The following RNF167 variants were observed in gnomAD, a reference collection of about 807,000 sequenced individuals.
RNF167 encodes ring finger protein 167, also known as E3 ubiquitin-protein ligase RNF167.
Under a neutral mutation model 34.8 loss-of-function variants are expected in RNF167, and 19 were observed. The ratio of observed to expected loss-of-function variants is 0.55; its 90% CI spans 0.38 to 0.80. The LOEUF (loss-of-function observed/expected upper bound fraction) is 0.80, where lower values mean the gene tolerates loss of function less well. Among genes scored for constraint, RNF167 ranks in the 30% least tolerant of loss-of-function variants. RNF167 has a pLI of 0.00. For synonymous variants in RNF167, 200 were observed against 170.4 expected (o/e 1.17, Z -1.35); for missense variants, 464 against 447.0 (o/e 1.04, Z -0.34).
intron 3 of RNF167, 122 bp from the exon 4 acceptor site, chr17:4,942,219 A>G (rs1970882987): frequency 8.7e-7 from 1 of 1,149,990 alleles, no homozygotes; most frequent in Non-Finnish European, 1.2e-6. Context: ...CTCAGACCCC[A>G]GGAAGGAGGA....
chr17:4,943,241 C>T lies in RNF167; in HGVS notation c.533C>T (p.Thr178Ile), dbSNP rs768854298. 142 of 1,614,016 alleles carry T rather than the reference C, an allele frequency of 8.8e-5. No individual in the cohort carries two copies. Among genetic ancestry groups the T allele is most frequent in the Non-Finnish European group, 1.2e-4 (137 of 1,180,010 alleles). Reference sequence around the variant, plus strand: ...TTGGGCTATTACCTCATCCCTTTCACAGGGATTGTGGGACTGCTGGTTTTG... The same window carrying T: ...TTGGGCTATTACCTCATCCCTTTCATAGGGATTGTGGGACTGCTGGTTTTG... ...FPLGYYLIPFTGIVGLLVLAM... is the reference protein window; with the variant it reads ...FPLGYYLIPFIGIVGLLVLAM... The change falls in exon 7 of 10, where the codon ACA becomes ATA. Residue 178 changes from threonine to isoleucine, a missense_variant. By Grantham distance (89) the Thr-to-Ile change is moderately conservative. Transcript: ENST00000262482.
intron 3 of RNF167, among the ~76,000 whole-genome samples, chr17:4,942,031 G>C (rs981833685): frequency 6.6e-6 from 1 of 152,168 alleles, no homozygotes; most frequent in Admixed American, 6.5e-5. Flanking sequence ...GGTGGTTTGA[G>C]AATTGAATTA....
At chr17:4,942,235 T>G in intron 3 of RNF167, 106 bp from the exon 4 acceptor site, 2 of 1,296,950 alleles carry the variant, frequency 1.5e-6, no homozygotes, top group South Asian at 1.3e-5. Flanking sequence ...GAGGAGGAAG[T>G]GAGGATAGAG....
At position 4,944,725 on chromosome 17, in the gene RNF167, C is replaced by T. The variant is rs769005807; in HGVS notation, c.762C>T (p.Ser254=). 5 of 1,614,068 alleles carry T rather than the reference C, an allele frequency of 3.1e-6. No individual in the cohort carries two copies. The highest frequency in any genetic ancestry group is 4.2e-6 in the Non-Finnish European group (5 of 1,179,974). ...RVLPCAHAYH[S]RCVDPWLTQT... ...TGTTCCTCTCTGCAGCCTACCACAGCCGCTGCGTGGACCCCTGGCTCACTC... is the reference window on the plus strand; with the variant it reads ...TGTTCCTCTCTGCAGCCTACCACAGTCGCTGCGTGGACCCCTGGCTCACTC... The change falls in exon 10 of 10, where the codon AGC becomes AGT. Residue 254 remains serine, a synonymous_variant. Transcript: ENST00000262482.
chr17:4,945,118 T>G lies in RNF167; in HGVS notation c.*102T>G. The G allele has an allele frequency of 9.0e-7, 1 of 1,115,312 alleles. No individual in the cohort carries two copies. The highest frequency in any genetic ancestry group is 1.3e-6 in the Non-Finnish European group (1 of 795,560). 69.1% of individuals were successfully genotyped at this position (1,115,312 alleles called of 1,614,324 possible). A position where few individuals can be genotyped will look rare whatever the true frequency, so the allele number is the denominator to read the frequency against. Reference sequence around the variant, plus strand: ...GGACATTCCATCCCAAGCTTCTCCCTTACCCACACCTATCCTTTTGAGGGG... The same window carrying G: ...GGACATTCCATCCCAAGCTTCTCCCGTACCCACACCTATCCTTTTGAGGGG... On this transcript the variant is annotated 3_prime_UTR_variant, in exon 10 of 10. Coordinates refer to ENST00000262482, the MANE Select transcript of RNF167 (RefSeq NM_015528.3).
Position 4,940,899 on chromosome 17 carries a change from C to T in RNF167, c.-11C>T, listed in dbSNP as rs1299816335. ...ACGCGCGGCCTCCTCAGCCTCTTTC[C>T]TCCCGCTGCCATGCACCCTGCAGCC... On this transcript the variant is annotated 5_prime_UTR_variant, in exon 2 of 10. Transcript: ENST00000262482. 5.1e-6 allele frequency: 8 copies of T among 1,570,562 alleles called. No individual in the cohort carries two copies. Among genetic ancestry groups the T allele is most frequent in the African/African-American group, 4.1e-5 (3 of 73,468 alleles).
In RNF167 at chr17:4,943,109, G is replaced by A. The variant is rs777512994; in HGVS notation, c.471-70G>A. The A allele has an allele frequency of 1.1e-4, 164 of 1,431,944 alleles. 1 individual carries two copies. Among genetic ancestry groups the A allele is most frequent in the Non-Finnish European group, 1.6e-4 (160 of 1,024,534 alleles). The allele number at this position is 1,431,944 out of a possible 1,614,324, so 88.7% of individuals were successfully genotyped here. A position where few individuals can be genotyped will look rare whatever the true frequency, so the allele number is the denominator to read the frequency against. The stretch of plus-strand genomic sequence containing the variant: ...CACCTATGGGCTTTGTCCAGAGCCA[G>A]TTACTTTGTCCCTCTTTTTTTCTCC... On this transcript the variant is annotated intron_variant, in intron 6 of 9. Coordinates refer to ENST00000262482, the MANE Select transcript of RNF167 (RefSeq NM_015528.3).
At chr17:4,942,216 C>T in intron 3 of RNF167, 125 bp from the exon 4 acceptor site, 1 of 1,135,960 alleles carries the variant, frequency 8.8e-7, no homozygotes, top group Non-Finnish European at 1.3e-6. Flanking sequence ...TCACTCAGAC[C>T]CCAGGAAGGA....
chr17:4,944,260 G>GC, intron 8 of RNF167: 1 of 337,674 alleles, frequency 3.0e-6, no homozygotes, highest in Non-Finnish European at 4.7e-6. Flanking sequence ...AGGCCCTGGG[G>GC]CCTCCAGTGC....
intron 7 of RNF167, 61 bp downstream of exon 7, chr17:4,943,345 G>A (rs1342374264): frequency 1.3e-6 from 2 of 1,591,306 alleles, no homozygotes; most frequent in South Asian, 1.1e-5. Flanking sequence ...ACTGGATCTG[G>A]AGTTGGGAGA....
chr17:4,943,646 G>A, intron 8 of RNF167, 127 bp downstream of exon 8: 1 of 780,862 alleles, frequency 1.3e-6, no homozygotes, highest in South Asian at 1.6e-5. Flanking sequence ...AATCCCAAGT[G>A]CCTCTAATCC....
chr17:4,942,817 G>T, intron 5 of RNF167, 34 bp from the exon 6 acceptor site: 1 of 1,601,660 alleles, frequency 6.2e-7, no homozygotes, highest in Non-Finnish European at 8.5e-7. Context: ...GTAGAAGGTT[G>T]TGAGTCCCCA....
Position 4,945,206 on chromosome 17 carries a change from G to A in RNF167, c.*190G>A. The A allele has an allele frequency of 2.0e-6, 1 of 509,176 alleles. No homozygotes were observed. Among genetic ancestry groups the A allele is most frequent in the Non-Finnish European group, 3.4e-6 (1 of 293,838 alleles). The allele number at this position is 509,176 out of a possible 1,614,324, so 31.5% of individuals were successfully genotyped here. On this transcript the variant is annotated 3_prime_UTR_variant, in exon 10 of 10. Transcript: ENST00000262482. ...CTTCACTTCTTGGGCTAATAAAATT[G>A]TTTCTTTGTGGACTAAGGAAGGGTA... is the stretch of plus-strand genomic sequence containing the variant.
chr17:4,943,505 A>G lies in RNF167; in HGVS notation c.656A>G (p.His219Arg), dbSNP rs199885238. The G allele has an allele frequency of 1.9e-5, 31 of 1,613,156 alleles. No individual in the cohort carries two copies. Among genetic ancestry groups the G allele is most frequent in the South Asian group, 1.1e-4 (10 of 90,966 alleles). ...GAGCAACTGAAACAGATTCCTACAC[A>G]TGACTATCAGAAGGGTGAGGGGGTT... is the stretch of plus-strand genomic sequence containing the variant. Reference protein sequence around the residue: ...TKEQLKQIPTHDYQKGDQYDV... With the variant: ...TKEQLKQIPTRDYQKGDQYDV... Residue 219 changes from histidine to arginine, a missense_variant, in exon 8 of 10, where the codon CAT (histidine) becomes CGT (arginine). Physicochemically the swap from His to Arg is conservative, Grantham distance 29 (BLOSUM62 0). Coordinates refer to ENST00000262482, the MANE Select transcript of RNF167 (RefSeq NM_015528.3).
intron 7 of RNF167, 66 bp from the exon 8 acceptor site, chr17:4,943,360 A>C: frequency 6.3e-7 from 1 of 1,582,652 alleles, no homozygotes; most frequent in East Asian, 2.2e-5. Flanking sequence ...GGGAGATGGG[A>C]GTGGCTTGTC....
At chr17:4,943,630 T>G in intron 8 of RNF167, 111 bp downstream of exon 8, 1 of 880,998 alleles carries the variant, frequency 1.1e-6, no homozygotes, top group South Asian at 1.5e-5. Context: ...GCACAGTGGC[T>G]CACGTAATCC....
rs1462035265 is a variant in RNF167, at chr17:4,945,117, C to T, written c.*101C>T. The T allele has an allele frequency of 1.4e-5, 16 of 1,122,118 alleles. No homozygotes were observed. The highest frequency in any genetic ancestry group is 1.9e-5 in the Non-Finnish European group (15 of 801,374). The allele number at this position is 1,122,118 out of a possible 1,614,324, so 69.5% of individuals were successfully genotyped here. A position where few individuals can be genotyped will look rare whatever the true frequency, so the allele number is the denominator to read the frequency against. ...GGGACATTCCATCCCAAGCTTCTCC[C>T]TTACCCACACCTATCCTTTTGAGGG... On this transcript the variant is annotated 3_prime_UTR_variant, in exon 10 of 10. Coordinates refer to ENST00000262482, the MANE Select transcript of RNF167 (RefSeq NM_015528.3).
Position 4,940,913 on chromosome 17 carries a change from C to A in RNF167, c.4C>A (p.His2Asn). 1 of 1,600,332 alleles carries A rather than the reference C, an allele frequency of 6.2e-7. No homozygotes were observed. The highest frequency in any genetic ancestry group is 8.5e-7 in the Non-Finnish European group (1 of 1,172,124). The change falls in exon 2 of 10, where the codon CAC becomes AAC. Residue 2 changes from histidine to asparagine, a missense_variant. By Grantham distance (68) the His-to-Asn change is moderately conservative. Coordinates refer to ENST00000262482, the MANE Select transcript of RNF167 (RefSeq NM_015528.3). M[H>N]PAAFPLPVVV... Reference sequence around the variant, plus strand: ...CAGCCTCTTTCCTCCCGCTGCCATGCACCCTGCAGCCTTCCCGCTTCCTGT... The same window carrying A: ...CAGCCTCTTTCCTCCCGCTGCCATGAACCCTGCAGCCTTCCCGCTTCCTGT...
At position 4,945,158 on chromosome 17, in the gene RNF167, T is replaced by A; in HGVS notation, c.*142T>A. 1.5e-6 allele frequency: 1 copy of A among 688,416 alleles called. No homozygotes were observed. The highest frequency in any genetic ancestry group is 2.3e-6 in the Non-Finnish European group (1 of 432,626). The allele number at this position is 688,416 out of a possible 1,614,324, so 42.6% of individuals were successfully genotyped here. A position where few individuals can be genotyped will look rare whatever the true frequency, so the allele number is the denominator to read the frequency against. On this transcript the variant is annotated 3_prime_UTR_variant, in exon 10 of 10. Coordinates refer to ENST00000262482, the MANE Select transcript of RNF167 (RefSeq NM_015528.3). ...CTTTTGAGGGGCTTTGGGGTGGAGC[T>A]GGGGCAAGCAGAGGGACTGGGTCTT...
Sources: allele counts gnomAD v4.1 joint callset (sites outside exome capture counted in the v4.1 genomes callset), GRCh38; gene constraint gnomAD v4.1.1; transcripts MANE v1.5; gene names NCBI Gene and HGNC (gene_info 2026-07-23, HGNC 2026-07-21).